The following ESYT1 variants were observed in gnomAD, a reference collection of about 807,000 sequenced individuals.
The protein encoded by ESYT1 is extended synaptotagmin-1.
Under a neutral mutation model 154.2 loss-of-function variants are expected in ESYT1, and 116 were observed. The ratio of observed to expected loss-of-function variants is 0.75; its 90% CI spans 0.65 to 0.88. ESYT1 has a LOEUF of 0.88. Ranked by LOEUF, ESYT1 falls within the 40% of genes least tolerant of loss-of-function variation. The pLI, the probability that ESYT1 is intolerant of heterozygous loss-of-function variation, is 0.00. For synonymous variants in ESYT1, 500 were observed against 539.9 expected (o/e 0.93, Z 1.02); for missense variants, 1,264 against 1,379.3 (o/e 0.92, Z 1.32).
Position 56,130,894 on chromosome 12 carries a change from T to A in ESYT1, c.536T>A (p.Phe179Tyr). The A allele has an allele frequency of 6.2e-7, 1 of 1,614,174 alleles. No individual in the cohort carries two copies. The highest frequency in any genetic ancestry group is 1.6e-4 in the Middle Eastern group (1 of 6,062). The part of the protein sequence containing the change: ...VRGSNPHLQT[F>Y]TFTRVELGEK... The stretch of plus-strand genomic sequence containing the variant: ...GGATCTAACCCCCATCTGCAAACAT[T>A]TACATTTACACGAGTGGAACTGGGT... The change falls in exon 3 of 31, where the codon TTT becomes TAT. Residue 179 changes from phenylalanine (F) to tyrosine (Y), a missense_variant. Transcript: ENST00000394048.
In ESYT1 at chr12:56,136,878, GA is replaced by G; in HGVS notation, c.1770del (p.Lys590AsnfsTer2). 1 of 1,603,620 alleles carries G rather than the reference GA, an allele frequency of 6.2e-7. No homozygotes were observed. Among genetic ancestry groups the G allele is most frequent in the Non-Finnish European group, 8.5e-7 (1 of 1,174,206 alleles). ...CTGGTCCAAACTCCAGACTCTATAT[GA>G]AACTAGTCATGAGGGTATGGAAATA... Reference protein sequence around the residue: ...SSGPNSRLYMKLVMRILYLDS... With the variant: ...SSGPNSRLYMXLVMRILYLDS... On this transcript the variant is annotated frameshift_variant, in exon 16 of 31. Transcript: ENST00000394048. LOFTEE classifies it high-confidence loss of function.
chr12:56,144,504 C>T lies in ESYT1; in HGVS notation c.*642C>T, dbSNP rs1870841795. On this transcript the variant is annotated 3_prime_UTR_variant, in exon 31 of 31. Coordinates refer to ENST00000394048, the MANE Select transcript of ESYT1 (RefSeq NM_015292.3). ...TAGTGGCATATCAGTCTTGGAGCTCCTAGCTGGTGATACGGAGAGGGCTTT... is the reference window on the plus strand; with the variant it reads ...TAGTGGCATATCAGTCTTGGAGCTCTTAGCTGGTGATACGGAGAGGGCTTT... 2 of 985,746 alleles carry T rather than the reference C, an allele frequency of 2.0e-6. No individual in the cohort carries two copies. Among genetic ancestry groups the T allele is most frequent in the Non-Finnish European group, 1.2e-6 (1 of 830,268 alleles). 61.1% of individuals were successfully genotyped at this position (985,746 alleles called of 1,614,324 possible). A position where few individuals can be genotyped will look rare whatever the true frequency, so the allele number is the denominator to read the frequency against.
At chr12:56,137,182 C>T (rs1486413520) in intron 16 of ESYT1, 36 bp from the exon 17 acceptor site, 7 of 1,612,418 alleles carry the variant, frequency 4.3e-6, no homozygotes, top group East Asian at 2.2e-5. Flanking sequence ...TGACGAGCTG[C>T]ACTTCTTTGA....
At chr12:56,139,355 G>A (rs1387129176) in intron 24 of ESYT1, among the ~76,000 whole-genome samples, 4 of 150,964 alleles carry the variant, frequency 2.6e-5, no homozygotes, top group Non-Finnish European at 5.9e-5. Context: ...CAGGTGATCC[G>A]CCCACCTCGG....
intron 24 of ESYT1, among the ~76,000 whole-genome samples, chr12:56,141,659 G>T (rs1565876930): frequency 6.6e-6 from 1 of 152,230 alleles, no homozygotes; most frequent in Non-Finnish European, 1.5e-5. Context: ...AGAATGGCGT[G>T]AACCCAGGAG....
At chr12:56,129,097 C>T (rs955525863) in intron 1 of ESYT1, 1 of 271,620 alleles carries the variant, frequency 3.7e-6, no homozygotes, top group Non-Finnish European at 7.2e-6. Context: ...GTCCCGTTAC[C>T]TCTCAAAGGT....
intron 13 of ESYT1, 98 bp from the exon 14 acceptor site, chr12:56,134,012 C>T (rs1870347474): frequency 1.9e-6 from 3 of 1,550,102 alleles, no homozygotes; most frequent in East Asian, 2.3e-5. Flanking sequence ...GGATCAGATC[C>T]ATCTCAGGGA....
At position 56,132,259 on chromosome 12, in the gene ESYT1, T is replaced by C. The variant is rs533020647; in HGVS notation, c.911T>C (p.Leu304Ser). 5 of 1,614,184 alleles carry C rather than the reference T, an allele frequency of 3.1e-6. No individual in the cohort carries two copies. In the African/African-American group the frequency reaches 6.7e-5, roughly 22 times the overall value. The change falls in exon 8 of 31, where the codon TTG becomes TCG. Residue 304 changes from leucine (L) to serine (S), a missense_variant. Physicochemically the swap from Leu to Ser is moderately radical, Grantham distance 145 (BLOSUM62 -2). Coordinates refer to ENST00000394048, the MANE Select transcript of ESYT1 (RefSeq NM_015292.3). Reference protein sequence around the residue: ...IMDSIAAFLVLPNRLLVPLVP... With the variant: ...IMDSIAAFLVSPNRLLVPLVP... ...GACTCCATTGCTGCCTTCCTCGTGTTGCCCAACCGATTACTGGTGCCCCTT... is the reference window on the plus strand; with the variant it reads ...GACTCCATTGCTGCCTTCCTCGTGTCGCCCAACCGATTACTGGTGCCCCTT...
At position 56,137,978 on chromosome 12, in the gene ESYT1, C is replaced by T. The variant is rs1170591304; in HGVS notation, c.2199-48C>T. On this transcript the variant is annotated intron_variant, in intron 19 of 30. Coordinates refer to ENST00000394048, the MANE Select transcript of ESYT1 (RefSeq NM_015292.3). ...CTCTTTAGGCCATGGAGTCTGGCCT[C>T]CTTGGTTCTCACCATCTAGCTTTTG... 3 of 1,612,814 alleles carry T rather than the reference C, an allele frequency of 1.9e-6. No individual in the cohort carries two copies. In the South Asian group the frequency reaches 3.3e-5, roughly 18 times the overall value.
At position 56,136,911 on chromosome 12, in the gene ESYT1, G is replaced by C. The variant is rs779776731; in HGVS notation, c.1782+18G>C. 1.3e-6 allele frequency: 2 copies of C among 1,566,018 alleles called. No individual in the cohort carries two copies. The highest frequency in any genetic ancestry group is 8.7e-7 in the Non-Finnish European group (1 of 1,154,052). ...TCATGAGGGTATGGAAATAGAGGAG[G>C]TACTGAGGTGTGGGGGAAAGGCCTG... On this transcript the variant is annotated intron_variant, in intron 16 of 30. Coordinates refer to ENST00000394048, the MANE Select transcript of ESYT1 (RefSeq NM_015292.3).
At chr12:56,134,082 G>T in intron 13 of ESYT1, 28 bp from the exon 14 acceptor site, 1 of 1,613,504 alleles carries the variant, frequency 6.2e-7, no homozygotes, top group Non-Finnish European at 8.5e-7. Context: ...CCCCCAAGAT[G>T]GTGACCTCTG....
intron 15 of ESYT1, 125 bp from the exon 16 acceptor site, chr12:56,136,619 T>TGAGTG: frequency 1.7e-6 from 1 of 593,702 alleles, no homozygotes. Flanking sequence ...AAGATGGCCC[T>TGAGTG]GAGTGGAGCA....
In ESYT1 at chr12:56,128,720, A is replaced by AC. The variant is rs751130580; in HGVS notation, c.390+14dup. ...GAGCTACCTGCCTGGGTGAGCGACC[A>AC]CCCTCGGTCCTCTGTGCAGCATAGC... On this transcript the variant is annotated intron_variant, in intron 1 of 30. Transcript: ENST00000394048. 6 of 1,612,386 alleles carry AC rather than the reference A, an allele frequency of 3.7e-6. No individual in the cohort carries two copies. The South Asian group carries it at 6.6e-5, about 18-fold the overall frequency.
At position 56,133,798 on chromosome 12, in the gene ESYT1, G is replaced by T. The variant is rs774062784; in HGVS notation, c.1398G>T (p.Trp466Cys). The stretch of plus-strand genomic sequence containing the variant: ...CTCCCCAGGTTCTACAGTGGAATTG[G>T]GGAGTCTCCTCTCGACCAGATCCCC... ...EKLEQVLQWN[W>C]GVSSRPDPPS... is the part of the protein sequence containing the mutation. The change falls in exon 13 of 31, where the codon TGG (tryptophan) becomes TGT (cysteine). Residue 466 changes from tryptophan to cysteine, a missense_variant. Transcript: ENST00000394048. The T allele has an allele frequency of 6.2e-7, 1 of 1,614,162 alleles. No homozygotes were observed. Among genetic ancestry groups the T allele is most frequent in the Admixed American group, 1.7e-5 (1 of 60,008 alleles).
intron 5 of ESYT1, 68 bp downstream of exon 5, chr12:56,131,384 T>C (rs529095244): frequency 6.2e-7 from 1 of 1,609,610 alleles, no homozygotes; most frequent in African/African-American, 1.3e-5. Context: ...TATGGGGAAG[T>C]GTGAGGTTGG....
At chr12:56,135,628 A>T (rs1370096470) in intron 15 of ESYT1, among the ~76,000 whole-genome samples, 2 of 151,756 alleles carry the variant, frequency 1.3e-5, no homozygotes, top group African/African-American at 2.4e-5. Context: ...ATGGTGGCTC[A>T]CACCTGTAAT....
chr12:56,143,745 A>G, intron 30 of ESYT1, 78 bp from the exon 31 acceptor site: 4 of 1,610,948 alleles, frequency 2.5e-6, no homozygotes, highest in Non-Finnish European at 3.4e-6. Flanking sequence ...TATCAAGTAG[A>G]GAAGCCCTTG....
chr12:56,133,516 T>G, intron 11 of ESYT1, 51 bp downstream of exon 11: 2 of 1,613,632 alleles, frequency 1.2e-6, no homozygotes, highest in Non-Finnish European at 1.7e-6. Flanking sequence ...TTTGGGTAGA[T>G]AGTAGTTGCT....
At chr12:56,130,017 G>A (rs1870166804) in intron 1 of ESYT1, among the ~76,000 whole-genome samples, 1 of 151,948 alleles carries the variant, frequency 6.6e-6, no homozygotes, top group African/African-American at 2.4e-5. Context: ...CTCTTCAAGC[G>A]ATTCTCCTGC....
Sources: allele counts gnomAD v4.1 joint callset (sites outside exome capture counted in the v4.1 genomes callset), GRCh38; gene constraint gnomAD v4.1.1; transcripts MANE v1.5; gene names NCBI Gene and HGNC (gene_info 2026-07-23, HGNC 2026-07-21).